Variants in TASP1 observed in about 807,000 individuals in gnomAD.
The protein encoded by TASP1 is threonine aspartase 1.
In TASP1, 16 loss-of-function variants were observed where a neutral mutation model predicts 56.6. The observed-to-expected ratio is 0.28, with a 90% confidence interval of 0.19 to 0.43. TASP1 has a LOEUF of 0.43. TASP1 is among the 20% of genes least tolerant of loss of function. The pLI is 1.00. For synonymous variants in TASP1, 179 were observed against 184.2 expected (o/e 0.97, Z 0.23); for missense variants, 393 against 511.6 (o/e 0.77, Z 2.24).
intron 8 of TASP1, among the ~76,000 whole-genome samples, chr20:13,547,716 G>C (rs1018728808): frequency 1.4e-4 from 22 of 152,032 alleles, no homozygotes; most frequent in African/African-American, 5.3e-4. Context: ...AAGAAGCCAG[G>C]CATGAAGATA....
chr20:13,137,179 A>C, the TASP1 span, among the ~76,000 whole-genome samples: 3 of 152,210 alleles, frequency 2.0e-5, no homozygotes, highest in East Asian at 5.8e-4. Context: ...GGAAATATTC[A>C]ATAGAAATGC....
At chr20:13,521,675 A>T (rs1306333930) in intron 10 of TASP1, among the ~76,000 whole-genome samples, 1 of 151,846 alleles carries the variant, frequency 6.6e-6, no homozygotes, top group Non-Finnish European at 1.5e-5. Flanking sequence ...AGATATACCT[A>T]ATGTTAAATG....
At chr20:13,632,120 T>A (rs1277765227) in intron 1 of TASP1, among the ~76,000 whole-genome samples, 1 of 149,868 alleles carries the variant, frequency 6.7e-6, no homozygotes, top group African/African-American at 2.5e-5. Context: ...ATCCCAGCAC[T>A]TTGGGAGGCC....
At chr20:13,264,727 T>C in the TASP1 span, among the ~76,000 whole-genome samples, 2 of 152,318 alleles carry the variant, frequency 1.3e-5, no homozygotes, top group South Asian at 2.1e-4. Context: ...ATTCTTGGTG[T>C]TGGACCAGGA....
the TASP1 span, among the ~76,000 whole-genome samples, chr20:13,357,094 G>A: frequency 2.2e-4 from 33 of 150,802 alleles, no homozygotes; most frequent in Non-Finnish European, 4.1e-4. Context: ...CATGGAGTAG[G>A]GAAGGAAGAC....
chr20:13,425,729 G>A (rs902301834), intron 12 of TASP1, among the ~76,000 whole-genome samples: 11 of 152,054 alleles, frequency 7.2e-5, no homozygotes, highest in Middle Eastern at 6.3e-3. Context: ...GAAGAATGAG[G>A]CACTGTAAAT....
At chr20:13,201,108 G>C in the TASP1 span, among the ~76,000 whole-genome samples, 2 of 152,204 alleles carry the variant, frequency 1.3e-5, no homozygotes, top group African/African-American at 2.4e-5. Context: ...GAGGGATACT[G>C]CAAAGTGGGA....
intron 10 of TASP1, among the ~76,000 whole-genome samples, chr20:13,521,285 A>G (rs2044742791): frequency 6.6e-6 from 1 of 152,208 alleles, no homozygotes; most frequent in South Asian, 2.1e-4. Context: ...TATATACCCA[A>G]AGGATTAGAA....
chr20:13,283,413 T>C, the TASP1 span, among the ~76,000 whole-genome samples: 1 of 152,166 alleles, frequency 6.6e-6, no homozygotes, highest in Non-Finnish European at 1.5e-5. Context: ...AGGAGGTAGA[T>C]CTCAGAGTTT....
chr20:13,576,989 T>G (rs1308246285), intron 6 of TASP1, among the ~76,000 whole-genome samples: 5 of 152,204 alleles, frequency 3.3e-5, no homozygotes. Flanking sequence ...TACAAGTCAT[T>G]TTTGTACATC....
intron 10 of TASP1, among the ~76,000 whole-genome samples, chr20:13,523,894 T>C (rs1311927842): frequency 6.6e-6 from 1 of 152,134 alleles, no homozygotes; most frequent in Non-Finnish European, 1.5e-5. Flanking sequence ...GTACTCACTG[T>C]TTCCAGCACT....
chr20:13,394,928 C>A (rs567967537), intron 13 of TASP1, among the ~76,000 whole-genome samples: 2 of 152,060 alleles, frequency 1.3e-5, no homozygotes, highest in Non-Finnish European at 2.9e-5. Context: ...AAATTTAGCT[C>A]GAAGATTTTA....
chr20:13,432,494 T>G (rs1568792128), intron 12 of TASP1, among the ~76,000 whole-genome samples: 1 of 152,226 alleles, frequency 6.6e-6, no homozygotes, highest in African/African-American at 2.4e-5. Flanking sequence ...TTGAATTTAT[T>G]TTCTTACCAA....
chr20:13,408,568 G>A (rs2123699437), intron 13 of TASP1, among the ~76,000 whole-genome samples: 1 of 152,220 alleles, frequency 6.6e-6, no homozygotes, highest in African/African-American at 2.4e-5. Context: ...AATGGCATAA[G>A]ATTAATGTTA....
intron 9 of TASP1, among the ~76,000 whole-genome samples, chr20:13,530,440 T>C (rs1385526960): frequency 6.6e-6 from 1 of 152,202 alleles, no homozygotes; most frequent in African/African-American, 2.4e-5. Context: ...ACTGGCAGAC[T>C]TGTGGGATAA....
intron 11 of TASP1, among the ~76,000 whole-genome samples, chr20:13,435,381 T>C (rs1347145969): frequency 6.6e-6 from 1 of 152,086 alleles, no homozygotes; most frequent in Non-Finnish European, 1.5e-5. Context: ...AAGATGTAAG[T>C]GGGGGAGGGA....
At chr20:13,215,837 G>A in the TASP1 span, among the ~76,000 whole-genome samples, 557 of 152,316 alleles carry the variant, frequency 3.7e-3, 6 homozygotes, top group African/African-American at 0.013. Flanking sequence ...AATGTTGCTG[G>A]CGATCCAGGT....
At chr20:13,389,096 A>G (rs1345914358), downstream of TASP1, among the ~76,000 whole-genome samples, 1 of 152,230 alleles carries the variant, frequency 6.6e-6, no homozygotes, top group African/African-American at 2.4e-5. Flanking sequence ...ATCCCTGAAT[A>G]TAACACTTAG....
chr20:13,514,775 G>T (rs1185074818), intron 10 of TASP1, among the ~76,000 whole-genome samples: 1 of 152,068 alleles, frequency 6.6e-6, no homozygotes, highest in East Asian at 1.9e-4. Flanking sequence ...ACAAATAAGT[G>T]TACTTTTCAT....
Sources: gnomAD v4.1 joint callset for allele counts (sites outside exome capture counted in the v4.1 genomes callset) on GRCh38, gnomAD v4.1.1 for gene constraint, MANE v1.5 for transcripts, NCBI Gene and HGNC (gene_info 2026-07-23, HGNC 2026-07-21) for gene names.